The following ZNF438 variants were observed in gnomAD, a reference collection of about 807,000 sequenced individuals.
ZNF438 encodes the protein zinc finger protein 438.
In ZNF438, 25 loss-of-function variants were observed where a neutral mutation model predicts 38.0. The ratio of observed to expected loss-of-function variants is 0.66; its 90% CI spans 0.48 to 0.92. The LOEUF is 0.92. Among genes scored for constraint, ZNF438 ranks in the 40% least tolerant of loss-of-function variants. The pLI is 0.00. For missense variants in ZNF438, 1,007 were observed against 999.6 expected, an observed-to-expected ratio of 1.01 and a Z score of -0.10; for synonymous variants, 372 against 364.1, an observed-to-expected ratio of 1.02 and a Z score of -0.25.
chr10:31,032,240 T>C (rs1461011747), upstream of ZNF438, among the ~76,000 whole-genome samples: 1 of 152,168 alleles, frequency 6.6e-6, no homozygotes, highest in Admixed American at 6.5e-5. Flanking sequence ...TGAGGTAGTT[T>C]TTCCACAGAC....
exon 6 of ZNF438, chr10:30,845,152 G>T: frequency 6.2e-7 from 1 of 1,614,218 alleles, no homozygotes; most frequent in East Asian, 2.2e-5. Context: ...AGAAACGTGT[G>T]GAGGCCAGGA....
In ZNF438 at chr10:30,886,430, C is replaced by T. The variant is rs557537738; in HGVS notation, c.-31-9365G>A. 1.1e-3 allele frequency among the ~76,000 whole-genome samples: 167 copies of T among 152,236 alleles called. 1 individual carries two copies. The Middle Eastern group carries it at 0.014, about 12-fold the overall frequency. The stretch of plus-strand genomic sequence containing the variant: ...AATTTCATGTACCCATTTACAGATG[C>T]CCCTTCAACTTATGATGGGGCTATA... On this transcript the variant is annotated intron_variant, in intron 3 of 5. Transcript: ENST00000413025.
At chr10:30,901,621 C>A (rs1233201602) in intron 3 of ZNF438, among the ~76,000 whole-genome samples, 1 of 152,086 alleles carries the variant, frequency 6.6e-6, no homozygotes, top group East Asian at 1.9e-4. Context: ...CACTGCTTGG[C>A]GATAGGCAAT....
chr10:30,904,982 C>T (rs976601088), intron 3 of ZNF438, among the ~76,000 whole-genome samples: 1 of 152,136 alleles, frequency 6.6e-6, no homozygotes, highest in Non-Finnish European at 1.5e-5. Context: ...ACAAGAAGCT[C>T]TAGAGGGTAG....
chr10:30,849,449 A>G (rs1184976466), exon 5 of ZNF438: 1 of 1,614,210 alleles, frequency 6.2e-7, no homozygotes, highest in South Asian at 1.1e-5. Context: ...AGGTCCTGGT[A>G]AAGAAAAACC....
Position 30,929,446 on chromosome 10 carries a change from G to A in ZNF438, c.-115+12129C>T, listed in dbSNP as rs1425003748. The stretch of plus-strand genomic sequence containing the variant: ...GTTGTTCATTCCTCCTGGTGGGTTC[G>A]TGGTCTCGCTGGCCTCAGAAGTGAA... On this transcript the variant is annotated intron_variant, in intron 2 of 5. Coordinates refer to ENST00000413025, the Ensembl canonical transcript of ZNF438. Among the ~76,000 whole-genome samples, 7 of 152,154 alleles carry A rather than the reference G, an allele frequency of 4.6e-5. No homozygotes were observed. The East Asian group carries it at 7.7e-4, about 17-fold the overall frequency.
At chr10:30,936,636 C>T (rs1396627313) in intron 2 of ZNF438, among the ~76,000 whole-genome samples, 3 of 152,024 alleles carry the variant, frequency 2.0e-5, no homozygotes, top group East Asian at 1.9e-4. Context: ...ATTGCGCCAT[C>T]GCACTCCAGC....
intron 1 of ZNF438, among the ~76,000 whole-genome samples, chr10:30,954,139 TA>T (rs1011633205): frequency 6.6e-6 from 1 of 151,112 alleles, no homozygotes; most frequent in African/African-American, 2.4e-5. Flanking sequence ...CGAGACTGTT[TA>T]AAAAAAAAGA....
chr10:30,981,152 G>A (rs964447473), intron 1 of ZNF438, among the ~76,000 whole-genome samples: 5 of 152,156 alleles, frequency 3.3e-5, no homozygotes, highest in Non-Finnish European at 5.9e-5. Context: ...TATGATCAAC[G>A]AAGCACACAA....
intron 4 of ZNF438, among the ~76,000 whole-genome samples, chr10:30,856,223 C>G (rs1217757673): frequency 1.3e-5 from 2 of 152,112 alleles, no homozygotes; most frequent in Non-Finnish European, 2.9e-5. Context: ...GCATAACTAT[C>G]CACCAAAGTT....
chr10:30,990,850 T>C (rs1202558745), intron 1 of ZNF438, among the ~76,000 whole-genome samples: 2 of 151,068 alleles, frequency 1.3e-5, no homozygotes, highest in African/African-American at 2.5e-5. Context: ...TTAAGAGAGA[T>C]TGAAGATATA....
chr10:30,931,616 T>G (rs922330822), intron 2 of ZNF438, among the ~76,000 whole-genome samples: 18 of 152,256 alleles, frequency 1.2e-4, no homozygotes, highest in Non-Finnish European at 2.6e-4. Context: ...TAGTTGAATA[T>G]TCACGTCTTC....
chr10:30,889,042 G>GCA (rs2040339537), intron 3 of ZNF438, among the ~76,000 whole-genome samples: 1 of 152,118 alleles, frequency 6.6e-6, no homozygotes, highest in African/African-American at 2.4e-5. Flanking sequence ...CATCTAACAT[G>GCA]CACACACATA....
chr10:30,881,371 G>A (rs1294024392), intron 3 of ZNF438, among the ~76,000 whole-genome samples: 1 of 152,016 alleles, frequency 6.6e-6, no homozygotes, highest in Non-Finnish European at 1.5e-5. Context: ...ATCAGAAATT[G>A]AGACACCATT....
intron 2 of ZNF438, among the ~76,000 whole-genome samples, chr10:30,914,303 T>A (rs755567376): frequency 6.6e-6 from 1 of 151,980 alleles, no homozygotes; most frequent in Non-Finnish European, 1.5e-5. Context: ...TGCCAGGGGT[T>A]AGGGACAGGG....
At chr10:30,847,206 T>C (rs964619985) in intron 5 of ZNF438, among the ~76,000 whole-genome samples, 2 of 152,236 alleles carry the variant, frequency 1.3e-5, no homozygotes, top group Non-Finnish European at 2.9e-5. Flanking sequence ...GCCAGTCATG[T>C]GGACTGGAGT....
intron 1 of ZNF438, among the ~76,000 whole-genome samples, chr10:30,945,790 T>C (rs2135613268): frequency 8.9e-6 from 1 of 112,672 alleles, no homozygotes; most frequent in African/African-American, 3.5e-5. Flanking sequence ...ATTTTCTTAA[T>C]CCAGTCTATC....
At chr10:31,005,557 G>A (rs766224875) in intron 1 of ZNF438, among the ~76,000 whole-genome samples, 28 of 152,104 alleles carry the variant, frequency 1.8e-4, no homozygotes, top group Admixed American at 2.0e-4. Flanking sequence ...CTGCAGATAC[G>A]CAGGATAAAG....
intron 2 of ZNF438, chr10:30,919,041 A>G (rs1043266062): frequency 6.6e-5 from 10 of 152,234 alleles, no homozygotes; most frequent in Non-Finnish European, 1.2e-4. Flanking sequence ...CTTCTGCTAG[A>G]GACAGAACTG....
Sources: gnomAD v4.1 joint callset for allele counts (sites outside exome capture counted in the v4.1 genomes callset) on GRCh38, gnomAD v4.1.1 for gene constraint, MANE v1.5 for transcripts, NCBI Gene and HGNC (gene_info 2026-07-23, HGNC 2026-07-21) for gene names.